Variants in BANP observed in about 807,000 individuals in gnomAD.
BANP encodes protein BANP.
Under a neutral mutation model 68.1 loss-of-function variants are expected in BANP, and 11 were observed. The observed-to-expected ratio is 0.16, with a 90% CI of 0.10 to 0.27. The LOEUF (loss-of-function observed/expected upper bound fraction) is 0.27, where lower values mean the gene tolerates loss of function less well. Among genes scored for constraint, BANP ranks in the 10% least tolerant of loss-of-function variants. The pLI is 1.00. For missense variants in BANP, 504 were observed against 722.7 expected (o/e 0.70, Z 3.47); for synonymous variants, 329 against 303.2 (o/e 1.09, Z -0.88).
intron 9 of BANP, among the ~76,000 whole-genome samples, chr16:88,033,643 T>G (rs953429630): frequency 1.3e-5 from 2 of 152,192 alleles, no homozygotes; most frequent in African/African-American, 4.8e-5. Context: ...AAGAGTAATT[T>G]CCTTCTAGGA....
At chr16:88,067,061 C>A (rs1263225798) in intron 12 of BANP, among the ~76,000 whole-genome samples, 1 of 148,464 alleles carries the variant, frequency 6.7e-6, no homozygotes, top group Non-Finnish European at 1.5e-5. Flanking sequence ...TGCACACTCG[C>A]TCTCTTTTTT....
chr16:88,018,073 G>T lies in BANP; in HGVS notation c.656-355G>T, dbSNP rs1256194795. ...ACCCCGGGGAGGGTTCCGCTCTGCA[G>T]GTGGCTGGGGCAGGTACCAACTGTG... On this transcript the variant is annotated intron_variant, in intron 6 of 13. Coordinates refer to ENST00000682872, the MANE Select transcript of BANP (RefSeq NM_001386991.1). This position sits in a 1 kb window ranked among gnomAD's most constrained non-coding sequence, Gnocchi z 7.7. Among the ~76,000 whole-genome samples, 1 of 152,164 alleles carries T rather than the reference G, an allele frequency of 6.6e-6. No homozygotes were observed. The highest frequency in any genetic ancestry group is 1.9e-4 in the East Asian group (1 of 5,188).
At chr16:88,044,276 C>A (rs1598802393) in intron 11 of BANP, among the ~76,000 whole-genome samples, 1 of 152,368 alleles carries the variant, frequency 6.6e-6, no homozygotes, top group Admixed American at 6.5e-5. Context: ...GTTCTAGAAC[C>A]CTCCTCTCTC....
At chr16:87,962,612 G>T (rs1469049138) in intron 1 of BANP, among the ~76,000 whole-genome samples, 1 of 152,134 alleles carries the variant, frequency 6.6e-6, no homozygotes, top group African/African-American at 2.4e-5. Context: ...ATTCAGGTTT[G>T]GAATTTGACC....
intron 1 of BANP, among the ~76,000 whole-genome samples, chr16:87,958,695 C>T (rs914004470): frequency 4.6e-5 from 7 of 152,208 alleles, no homozygotes; most frequent in Admixed American, 4.6e-4. Context: ...AGAGTGAGAC[C>T]CTGTCTCAAG....
intron 7 of BANP, among the ~76,000 whole-genome samples, chr16:88,026,539 T>TCA (rs2077027349): frequency 2.0e-5 from 3 of 152,086 alleles, no homozygotes; most frequent in African/African-American, 7.2e-5. Context: ...ATACATGAAT[T>TCA]CTCCAAACTG....
rs142923121 is a variant in BANP, at chr16:88,029,656, C to T, written c.1063+2006C>T. On this transcript the variant is annotated intron_variant, in intron 8 of 13. Coordinates refer to ENST00000682872, the MANE Select transcript of BANP (RefSeq NM_001386991.1). The stretch of plus-strand genomic sequence containing the variant: ...AAGGAGAGGAGGTTTCTGTCAGGCA[C>T]ACTAGCAGGAACCAGATTGAATTCT... 4.1e-3 allele frequency among the ~76,000 whole-genome samples: 616 copies of T among 151,152 alleles called. 4 individuals are homozygous for T. The highest frequency in any genetic ancestry group is 0.014 in the African/African-American group (574 of 41,232).
At chr16:88,043,428 T>TG (rs1394575824) in intron 11 of BANP, among the ~76,000 whole-genome samples, 1 of 152,202 alleles carries the variant, frequency 6.6e-6, no homozygotes, top group Non-Finnish European at 1.5e-5. Flanking sequence ...CCTGCCTCAC[T>TG]GGGGGTGTGA....
chr16:88,066,811 G>A (rs1042820668), intron 12 of BANP, among the ~76,000 whole-genome samples: 1 of 151,996 alleles, frequency 6.6e-6, no homozygotes, highest in Non-Finnish European at 1.5e-5. Context: ...TCAAAACGCC[G>A]CTCCCAGCGG....
intron 13 of BANP, among the ~76,000 whole-genome samples, chr16:88,074,805 G>A (rs1238591438): frequency 6.6e-6 from 1 of 152,186 alleles, no homozygotes; most frequent in East Asian, 1.9e-4. Flanking sequence ...CTGTGGCCGG[G>A]CTCGCAGGAG....
In BANP at chr16:88,071,925, C is replaced by G. The variant is rs772461634; in HGVS notation, c.1378-144C>G. The G allele has an allele frequency of 1.9e-6, 2 of 1,064,458 alleles. No individual in the cohort carries two copies. The highest frequency in any genetic ancestry group is 2.7e-5 in the South Asian group (2 of 73,604). The allele number at this position is 1,064,458 out of a possible 1,614,324, so 65.9% of individuals were successfully genotyped here. The stretch of plus-strand genomic sequence containing the variant: ...GGGGAGACAGGATGTGCCGCAGAGT[C>G]CTCGGTGTGGCCCTGAGGCCGTGTC... On this transcript the variant is annotated intron_variant, in intron 12 of 13. Transcript: ENST00000682872. The surrounding 1 kb of genome is among the most constrained non-coding windows in gnomAD (Gnocchi z 6.5).
intron 8 of BANP, among the ~76,000 whole-genome samples, chr16:88,032,356 C>T (rs2152739179): frequency 6.6e-6 from 1 of 152,090 alleles, no homozygotes; most frequent in Admixed American, 6.5e-5. Flanking sequence ...CCCCCACCAC[C>T]ACGCCTGTCT....
At chr16:88,047,463 G>C (rs1375082260) in intron 11 of BANP, among the ~76,000 whole-genome samples, 1 of 152,232 alleles carries the variant, frequency 6.6e-6, no homozygotes, top group East Asian at 1.9e-4. Context: ...GTGTGCATCA[G>C]TCAGGCTTGG....
intron 11 of BANP, among the ~76,000 whole-genome samples, chr16:88,038,461 C>CCCTCCCACCCCCGCCA (rs2079953321): frequency 6.6e-6 from 1 of 151,070 alleles, no homozygotes. Context: ...CGGAAACGTG[C>CCCTCCCACCCCCGCCA]CCTCCCACCC....
At chr16:88,034,845 C>T (rs969774352) in intron 9 of BANP, among the ~76,000 whole-genome samples, 8 of 152,310 alleles carry the variant, frequency 5.3e-5, no homozygotes, top group African/African-American at 1.9e-4. Flanking sequence ...CTTTCCCAGG[C>T]TTTAATTACC....
chr16:88,069,052 A>T (rs1001067063), intron 12 of BANP, among the ~76,000 whole-genome samples: 5 of 151,362 alleles, frequency 3.3e-5, no homozygotes, highest in African/African-American at 1.2e-4. Context: ...CCAGGCCCAG[A>T]TGGAGGGCGC....
At chr16:87,964,133 T>C (rs1034394773) in intron 1 of BANP, among the ~76,000 whole-genome samples, 4 of 152,354 alleles carry the variant, frequency 2.6e-5, no homozygotes, top group African/African-American at 7.2e-5. Flanking sequence ...AATCAGGACA[T>C]GGGCACAACA....
At chr16:87,963,083 C>A (rs1392112192) in intron 1 of BANP, among the ~76,000 whole-genome samples, 1 of 152,182 alleles carries the variant, frequency 6.6e-6, no homozygotes, top group Non-Finnish European at 1.5e-5. Flanking sequence ...GTGGGAGTTC[C>A]TGTCCTAATT....
Position 88,035,410 on chromosome 16 carries a change from C to T in BANP, c.1272+16C>T. ...GGACAGCGAGGTGAGTCAGCTCTCG[C>T]TGCAGCACTGTCCCTGCAGGCACCG... On this transcript the variant is annotated intron_variant, in intron 10 of 13. Transcript: ENST00000682872. 2 of 1,597,106 alleles carry T rather than the reference C, an allele frequency of 1.3e-6. No homozygotes were observed. The highest frequency in any genetic ancestry group is 1.1e-5 in the South Asian group (1 of 88,306).
Sources: allele counts gnomAD v4.1 joint callset (sites outside exome capture counted in the v4.1 genomes callset), GRCh38; gene constraint gnomAD v4.1.1; non-coding constraint Gnocchi (gnomAD v3.1); transcripts MANE v1.5; gene names NCBI Gene and HGNC (gene_info 2026-07-23, HGNC 2026-07-21).